Variants in IGSF10 observed in about 807,000 individuals in gnomAD.
The protein encoded by IGSF10 is calvaria mechanical force protein 608.
IGSF10 carries 126 observed loss-of-function variants against 128.2 expected under a neutral mutation model. The ratio of observed to expected loss-of-function variants is 0.98; its 90% CI spans 0.85 to 1.14. The LOEUF is 1.14. IGSF10 is among the 50% of genes most tolerant of loss of function. IGSF10 has a pLI of 0.00. For synonymous variants in IGSF10, 1,185 were observed against 1,146.2 expected, an observed-to-expected ratio of 1.03 and a Z score of -0.68; for missense variants, 3,295 against 3,149.8, an observed-to-expected ratio of 1.05 and a Z score of -1.10.
chr3:151,533,633 C>T, the IGSF10 span, among the ~76,000 whole-genome samples: 2 of 152,186 alleles, frequency 1.3e-5, no homozygotes, highest in South Asian at 4.1e-4. Flanking sequence ...CCCTTCCTTA[C>T]ACCTTATACA....
upstream of IGSF10, among the ~76,000 whole-genome samples, chr3:151,463,187 A>G (rs1401843944): frequency 1.3e-5 from 2 of 152,198 alleles, no homozygotes; most frequent in Admixed American, 6.5e-5. Context: ...GCTTTATGTC[A>G]GAGCTCTTCT....
the IGSF10 span, among the ~76,000 whole-genome samples, chr3:151,510,189 C>A: frequency 4.6e-5 from 7 of 152,322 alleles, no homozygotes; most frequent in South Asian, 1.5e-3. Flanking sequence ...CAAGTGGGCC[C>A]CTGACGCCCA....
At chr3:151,610,536 A>G in the IGSF10 span, among the ~76,000 whole-genome samples, 1 of 152,176 alleles carries the variant, frequency 6.6e-6, no homozygotes, top group African/African-American at 2.4e-5. Context: ...TGTAATAACA[A>G]TTGTTTTATT....
the IGSF10 span, among the ~76,000 whole-genome samples, chr3:151,562,507 T>G: frequency 6.6e-6 from 1 of 152,110 alleles, no homozygotes; most frequent in Non-Finnish European, 1.5e-5. Context: ...GGTTCTGGAT[T>G]GGGACCCCTT....
At chr3:151,529,233 C>G in the IGSF10 span, among the ~76,000 whole-genome samples, 1 of 152,224 alleles carries the variant, frequency 6.6e-6, no homozygotes, top group Admixed American at 6.5e-5. Context: ...AAACTCCCAT[C>G]TCCCTGGGAC....
chr3:151,471,331 T>C, the IGSF10 span, among the ~76,000 whole-genome samples: 2 of 152,222 alleles, frequency 1.3e-5, no homozygotes, highest in Non-Finnish European at 2.9e-5. Context: ...ATAATACTTG[T>C]AGTGTCAGAA....
In IGSF10 at chr3:151,457,132, A is replaced by G. The variant is rs568155779; in HGVS notation, c.218T>C (p.Met73Thr). ...GGTCAGGCCAGAAAAATCTGTTTCC[A>G]TCAATCTAACCAAGCTGTTGTATCT... ...NLGYNSLVRL[M>T]ETDFSGLTKL... is the part of the protein sequence containing the mutation. The change falls in exon 4 of 8, where the codon ATG becomes ACG. Residue 73 changes from methionine to threonine, a missense_variant. By Grantham distance (81) the Met-to-Thr change is moderately conservative (BLOSUM62 -1). Coordinates refer to ENST00000282466, the MANE Select transcript of IGSF10 (RefSeq NM_178822.5). The G allele has an allele frequency of 6.2e-7, 1 of 1,614,210 alleles. No homozygotes were observed. Among genetic ancestry groups the G allele is most frequent in the South Asian group, 1.1e-5 (1 of 91,086 alleles).
At chr3:151,561,385 T>G in the IGSF10 span, among the ~76,000 whole-genome samples, 21 of 152,266 alleles carry the variant, frequency 1.4e-4, 1 homozygote, top group South Asian at 4.4e-3. Context: ...CTCTTTTTAA[T>G]CTCTATTATG....
chr3:151,585,269 T>C, the IGSF10 span, among the ~76,000 whole-genome samples: 20 of 152,348 alleles, frequency 1.3e-4, no homozygotes, highest in South Asian at 4.1e-3. Flanking sequence ...ATAATATATA[T>C]CAAAATTGAC....
In IGSF10 at chr3:151,437,158, AT is replaced by A; in HGVS notation, c.7402del (p.Met2468CysfsTer6). 2 of 1,614,190 alleles carry A rather than the reference AT, an allele frequency of 1.2e-6. No individual in the cohort carries two copies. Among genetic ancestry groups the A allele is most frequent in the Non-Finnish European group, 1.7e-6 (2 of 1,180,042 alleles). ...CCTGTCTACTACATAACCACTTGGC[AT>A]AGTCCATTTGATATTTGGCTTAGGG... ...GIPKPNIKWT[M>X]PSGYVVDRPQ... On this transcript the variant is annotated frameshift_variant, in exon 8 of 8. Coordinates refer to ENST00000282466, the MANE Select transcript of IGSF10 (RefSeq NM_178822.5). LOFTEE classifies it low-confidence loss of function (END_TRUNC).
the IGSF10 span, among the ~76,000 whole-genome samples, chr3:151,536,038 C>A: frequency 5.0e-4 from 76 of 152,224 alleles, no homozygotes; most frequent in African/African-American, 1.7e-3. Context: ...TCTTTGGAAG[C>A]TGCAATTTCT....
At position 151,446,764 on chromosome 3, in the gene IGSF10, T is replaced by C; in HGVS notation, c.3217A>G (p.Thr1073Ala). 1 of 1,614,122 alleles carries C rather than the reference T, an allele frequency of 6.2e-7. No homozygotes were observed. The highest frequency in any genetic ancestry group is 8.5e-7 in the Non-Finnish European group (1 of 1,179,994). Residue 1073 changes from threonine to alanine, a missense_variant, in exon 6 of 8, where the codon ACC (threonine) becomes GCC (alanine). By Grantham distance (58) the Thr-to-Ala change is moderately conservative (BLOSUM62 0). Coordinates refer to ENST00000282466, the MANE Select transcript of IGSF10 (RefSeq NM_178822.5). ...CLSCLPRERL[T>A]TATAALSFPS... is the part of the protein sequence containing the mutation. ...AAAGACAATGCTGCTGTGGCAGTGG[T>C]GAGCCTCTCCCTGGGAAGACAGGAC...
chr3:151,574,074 G>T, the IGSF10 span, among the ~76,000 whole-genome samples: 1 of 152,180 alleles, frequency 6.6e-6, no homozygotes, highest in African/African-American at 2.4e-5. Context: ...TAGAGTTTCT[G>T]CTGAGAGATC....
At chr3:151,451,383 T>C (rs1450327381) in intron 5 of IGSF10, among the ~76,000 whole-genome samples, 4 of 152,222 alleles carry the variant, frequency 2.6e-5, no homozygotes. Flanking sequence ...TTATTCACTA[T>C]TAGAATGACT....
Position 151,443,843 on chromosome 3 carries a change from C to G in IGSF10, c.5104G>C (p.Val1702Leu). The G allele has an allele frequency of 6.2e-7, 1 of 1,613,400 alleles. No homozygotes were observed. The highest frequency in any genetic ancestry group is 8.5e-7 in the Non-Finnish European group (1 of 1,179,534). The change falls in exon 7 of 8, where the codon GTT becomes CTT. Residue 1702 changes from valine (V) to leucine (L), a missense_variant. Physicochemically the swap from Val to Leu is conservative, Grantham distance 32. Transcript: ENST00000282466. ...ATGGACAGGGTACCATTGGGGAGAA[C>G]CTGGACCCTGCTATTCTGTTTCCTC... is the stretch of plus-strand genomic sequence containing the variant. ...SKRKQNSRVQVLPNGTLSIQR... is the reference protein window; with the variant it reads ...SKRKQNSRVQLLPNGTLSIQR...
chr3:151,514,531 C>T, the IGSF10 span, among the ~76,000 whole-genome samples: 26 of 152,270 alleles, frequency 1.7e-4, no homozygotes, highest in Admixed American at 5.2e-4. Flanking sequence ...AAAACCTAGG[C>T]AATACCATTC....
chr3:151,592,219 A>AACAC, the IGSF10 span, among the ~76,000 whole-genome samples: 1 of 56,112 alleles, frequency 1.8e-5, no homozygotes, highest in Non-Finnish European at 3.3e-5. Context: ...TTTTGAGATT[A>AACAC]ATACACACAC....
At chr3:151,461,192 C>A (rs1481147044), upstream of IGSF10, 1 of 985,260 alleles carries the variant, frequency 1.0e-6, no homozygotes, top group African/African-American at 1.7e-5. Context: ...GAAGCTAATT[C>A]GCCGTGGCTT....
chr3:151,580,318 A>G, the IGSF10 span, among the ~76,000 whole-genome samples: 4 of 152,202 alleles, frequency 2.6e-5, no homozygotes, highest in African/African-American at 9.6e-5. Context: ...AACTTTCACT[A>G]TAAGAGAACT....
Sources: allele counts gnomAD v4.1 joint callset (sites outside exome capture counted in the v4.1 genomes callset), GRCh38; gene constraint gnomAD v4.1.1; transcripts MANE v1.5; gene names NCBI Gene and HGNC (gene_info 2026-07-23, HGNC 2026-07-21).